EDAR: variants seen among roughly 807,000 people sequenced by gnomAD.
EDAR encodes the protein ectodysplasin A receptor, also known as tumor necrosis factor receptor superfamily member EDAR.
EDAR carries 38 observed loss-of-function variants against 51.3 expected under a neutral mutation model. The ratio of observed to expected loss-of-function variants is 0.74; its 90% CI spans 0.57 to 0.97. The LOEUF is 0.97. EDAR is among the 50% of genes least tolerant of loss of function. The probability of loss-of-function intolerance (pLI) is 0.00; values close to 1 mark genes in which losing one functional copy is unlikely to be tolerated. For synonymous variants in EDAR, 227 were observed against 242.1 expected, an observed-to-expected ratio of 0.94 and a Z score of 0.58; for missense variants, 528 against 595.0, an observed-to-expected ratio of 0.89 and a Z score of 1.17.
At chr2:108,929,617 G>A (rs28620407) in intron 3 of EDAR, among the ~76,000 whole-genome samples, 3 of 152,268 alleles carry the variant, frequency 2.0e-5, no homozygotes, top group Middle Eastern at 3.4e-3. Flanking sequence ...GAGCCTCCCC[G>A]AGATGAATTC....
At chr2:108,988,856 C>G (rs1300325503) in intron 1 of EDAR, 104 bp downstream of exon 1, 1 of 152,370 alleles carries the variant, frequency 6.6e-6, no homozygotes, top group East Asian at 1.9e-4. Flanking sequence ...CCAAAAATGA[C>G]ATGCATTTCA....
chr2:108,966,825 G>C (rs1396679405), intron 1 of EDAR, among the ~76,000 whole-genome samples: 1 of 152,204 alleles, frequency 6.6e-6, no homozygotes, highest in African/African-American at 2.4e-5. Flanking sequence ...ACTATTCTTG[G>C]CTAAACTGCT....
chr2:108,971,974 G>A (rs528362395), intron 1 of EDAR, among the ~76,000 whole-genome samples: 5 of 152,172 alleles, frequency 3.3e-5, no homozygotes, highest in Non-Finnish European at 7.3e-5. Context: ...GGGAGCTCCC[G>A]TGGCCCGGAG....
chr2:108,945,912 T>C (rs1369757997), intron 1 of EDAR, among the ~76,000 whole-genome samples: 1 of 152,208 alleles, frequency 6.6e-6, no homozygotes, highest in Non-Finnish European at 1.5e-5. Flanking sequence ...CATGTTACTT[T>C]GTCATGAAGA....
chr2:108,947,355 C>G (rs974352761), intron 1 of EDAR, among the ~76,000 whole-genome samples: 1 of 152,058 alleles, frequency 6.6e-6, no homozygotes, highest in African/African-American at 2.4e-5. Flanking sequence ...TGCAAGCTGT[C>G]GGTGGATCTA....
chr2:108,936,836 G>C (rs992988860), intron 1 of EDAR, among the ~76,000 whole-genome samples: 5 of 152,226 alleles, frequency 3.3e-5, no homozygotes, highest in Non-Finnish European at 5.9e-5. Context: ...GGAGCAGGAG[G>C]AAAGCAGAGA....
chr2:108,907,676 G>A (rs774506032), intron 10 of EDAR, among the ~76,000 whole-genome samples, 184 bp downstream of exon 10: 1 of 151,726 alleles, frequency 6.6e-6, no homozygotes, highest in Non-Finnish European at 1.5e-5. Flanking sequence ...ACTCAAAAAC[G>A]AAAGGGTTTT....
intron 1 of EDAR, among the ~76,000 whole-genome samples, chr2:108,933,531 C>T (rs1697409926): frequency 6.6e-6 from 1 of 152,176 alleles, no homozygotes; most frequent in African/African-American, 2.4e-5. Context: ...GGAGGTGTCT[C>T]ACTTGGTGGA....
At chr2:108,964,362 G>A (rs1698109898) in intron 1 of EDAR, among the ~76,000 whole-genome samples, 1 of 152,148 alleles carries the variant, frequency 6.6e-6, no homozygotes, top group Admixed American at 6.5e-5. Flanking sequence ...GCCACATGAT[G>A]CCACGGCTCC....
At chr2:108,982,237 G>A (rs762981796) in intron 1 of EDAR, among the ~76,000 whole-genome samples, 3 of 152,192 alleles carry the variant, frequency 2.0e-5, no homozygotes, top group Non-Finnish European at 4.4e-5. Flanking sequence ...ATGTTCCAGG[G>A]TAAACAGGAA....
chr2:108,953,155 G>C (rs1018991438), intron 1 of EDAR, among the ~76,000 whole-genome samples: 1 of 152,166 alleles, frequency 6.6e-6, no homozygotes, highest in Non-Finnish European at 1.5e-5. Flanking sequence ...TGTGCTCTTG[G>C]AGTCTCTATT....
At chr2:108,906,260 T>C in intron 11 of EDAR, 48 bp downstream of exon 11, 1 of 1,599,252 alleles carries the variant, frequency 6.3e-7, no homozygotes, top group Non-Finnish European at 8.6e-7. Flanking sequence ...CAGCCCTTCA[T>C]GTCGGTGGGG....
intron 1 of EDAR, among the ~76,000 whole-genome samples, chr2:108,963,493 C>T (rs1698092568): frequency 6.6e-6 from 1 of 152,138 alleles, no homozygotes; most frequent in Non-Finnish European, 1.5e-5. Flanking sequence ...AGAGAGATCC[C>T]ATGTCCCCGT....
At chr2:108,960,787 T>C (rs1698023606) in intron 1 of EDAR, among the ~76,000 whole-genome samples, 1 of 152,230 alleles carries the variant, frequency 6.6e-6, no homozygotes, top group Non-Finnish European at 1.5e-5. Context: ...AGGAGTCATA[T>C]CGTATATTGA....
intron 1 of EDAR, among the ~76,000 whole-genome samples, chr2:108,965,625 T>C (rs1698137954): frequency 1.3e-5 from 2 of 152,084 alleles, no homozygotes; most frequent in Admixed American, 6.5e-5. Flanking sequence ...CCTCTTACCT[T>C]TGGGTGTCTG....
intron 1 of EDAR, among the ~76,000 whole-genome samples, chr2:108,936,972 G>A (rs185941748): frequency 2.0e-5 from 3 of 152,162 alleles, no homozygotes; most frequent in South Asian, 2.1e-4. Context: ...TTAAATAGCC[G>A]GTCCTGTTCC....
intron 5 of EDAR, among the ~76,000 whole-genome samples, chr2:108,917,242 T>C (rs1050260443): frequency 6.6e-6 from 1 of 151,140 alleles, no homozygotes; most frequent in African/African-American, 2.4e-5. Flanking sequence ...GCCAAAGGAG[T>C]GGATCTCATA....
intron 1 of EDAR, among the ~76,000 whole-genome samples, chr2:108,938,456 C>T (rs2105466197): frequency 6.6e-6 from 1 of 152,304 alleles, no homozygotes; most frequent in South Asian, 2.1e-4. Context: ...GTTTGTGGTG[C>T]TCGGGTGCTC....
intron 1 of EDAR, among the ~76,000 whole-genome samples, chr2:108,965,374 G>A (rs1199039541): frequency 6.6e-6 from 1 of 151,836 alleles, no homozygotes; most frequent in East Asian, 1.9e-4. Flanking sequence ...CCAGCTACTC[G>A]GGAGGCTGAG....
Sources: gnomAD v4.1 joint callset for allele counts (sites outside exome capture counted in the v4.1 genomes callset) on GRCh38, gnomAD v4.1.1 for gene constraint, MANE v1.5 for transcripts, NCBI Gene and HGNC (gene_info 2026-07-23, HGNC 2026-07-21) for gene names.